The following PLD5 variants were observed in gnomAD, a reference collection of about 807,000 sequenced individuals.
PLD5 encodes the protein phospholipase D family member 5, also known as inactive phospholipase D5.
A neutral mutation model predicts 61.1 loss-of-function variants in PLD5; 36 were observed. The ratio of observed to expected loss-of-function variants is 0.59; its 90% confidence interval spans 0.45 to 0.78. The LOEUF (loss-of-function observed/expected upper bound fraction) is 0.78. PLD5 is among the 30% of genes least tolerant of loss of function. The probability of loss-of-function intolerance (pLI) is 0.00; values close to 1 mark genes in which losing one functional copy is unlikely to be tolerated. For missense variants in PLD5, 515 were observed against 644.4 expected (o/e 0.80, Z 2.17); for synonymous variants, 243 against 242.8 (o/e 1.00, Z -0.01).
intron 2 of PLD5, among the ~76,000 whole-genome samples, chr1:242,331,482 A>C (rs569024171): frequency 6.6e-6 from 1 of 152,270 alleles, no homozygotes; most frequent in South Asian, 2.1e-4. Context: ...GTCTTAACTC[A>C]TCTCTCATGG....
intron 5 of PLD5, chr1:242,209,341 G>C (rs755733653): frequency 6.6e-6 from 1 of 152,190 alleles, no homozygotes; most frequent in African/African-American, 2.4e-5. Context: ...GCGAGGTGAG[G>C]AACATACAGG....
At position 242,097,979 on chromosome 1, in the gene PLD5, C is replaced by T. The variant is rs1383782906; in HGVS notation, c.1354+2689G>A. On this transcript the variant is annotated intron_variant, in intron 9 of 9. Coordinates refer to ENST00000536534, the MANE Select transcript of PLD5 (RefSeq NM_001372062.1). ...TTTCTACATATGGCTAGCCAGTTTT[C>T]CCAGCACCATTTATTAAATAGGGAA... 3.3e-5 allele frequency among the ~76,000 whole-genome samples: 5 copies of T among 152,268 alleles called. No homozygotes were observed. The East Asian group carries it at 5.8e-4, about 18-fold the overall frequency.
chr1:242,098,242 G>A (rs1156764373), intron 9 of PLD5, among the ~76,000 whole-genome samples: 1 of 152,146 alleles, frequency 6.6e-6, no homozygotes, highest in African/African-American at 2.4e-5. Flanking sequence ...TGTATTTCTT[G>A]GAGGCTTTGT....
At chr1:242,152,847 T>C (rs1181741613) in intron 5 of PLD5, among the ~76,000 whole-genome samples, 1 of 152,202 alleles carries the variant, frequency 6.6e-6, no homozygotes, top group Non-Finnish European at 1.5e-5. Context: ...AGTGGAATGA[T>C]TTATAATCCT....
chr1:242,361,627 C>T (rs1443185597), intron 1 of PLD5, among the ~76,000 whole-genome samples: 2 of 152,174 alleles, frequency 1.3e-5, no homozygotes, highest in Non-Finnish European at 2.9e-5. Flanking sequence ...TGTACTTTCA[C>T]AGCAGTTTAC....
At chr1:242,455,297 T>C (rs965309253) in intron 1 of PLD5, among the ~76,000 whole-genome samples, 1 of 152,152 alleles carries the variant, frequency 6.6e-6, no homozygotes, top group Admixed American at 6.5e-5. Flanking sequence ...TTTTAACTAA[T>C]GACTTTCATC....
intron 4 of PLD5, among the ~76,000 whole-genome samples, chr1:242,244,094 T>A (rs775593963): frequency 5.9e-5 from 9 of 152,204 alleles, no homozygotes; most frequent in Non-Finnish European, 1.0e-4. Context: ...ATGACATATA[T>A]GCACGTATTA....
intron 4 of PLD5, among the ~76,000 whole-genome samples, chr1:242,257,451 G>T (rs148545685): frequency 0.012 from 1,829 of 152,264 alleles, 47 homozygotes; most frequent in African/African-American, 0.042. Flanking sequence ...TGGACCATCA[G>T]GAGAAAGAGG....
intron 1 of PLD5, among the ~76,000 whole-genome samples, chr1:242,451,459 C>CT (rs398038597): frequency 0.033 from 3,796 of 115,068 alleles, 128 homozygotes; most frequent in South Asian, 0.064. Flanking sequence ...GTATCAAATT[C>CT]TTTTTTTTTT....
At chr1:242,208,488 G>A (rs1196805935) in intron 5 of PLD5, among the ~76,000 whole-genome samples, 1 of 152,116 alleles carries the variant, frequency 6.6e-6, no homozygotes, top group East Asian at 1.9e-4. Flanking sequence ...CTCAGGTAAT[G>A]ACCATAACGA....
At chr1:242,347,608 G>C (rs1307148546) in intron 2 of PLD5, among the ~76,000 whole-genome samples, 5 of 152,170 alleles carry the variant, frequency 3.3e-5, no homozygotes, top group African/African-American at 1.2e-4. Flanking sequence ...AGCTATTGTA[G>C]TTTCTAGATT....
intron 6 of PLD5, among the ~76,000 whole-genome samples, chr1:242,124,097 G>T (rs2148732605): frequency 6.6e-6 from 1 of 152,270 alleles, no homozygotes; most frequent in East Asian, 1.9e-4. Context: ...AGGCTAACAG[G>T]CTCTGGTGTC....
intron 5 of PLD5, among the ~76,000 whole-genome samples, chr1:242,155,768 A>G (rs1368849246): frequency 6.6e-6 from 1 of 152,066 alleles, no homozygotes; most frequent in Admixed American, 6.6e-5. Context: ...TTTTCATTCC[A>G]TTTATGTGGT....
intron 5 of PLD5, among the ~76,000 whole-genome samples, chr1:242,165,763 C>CTGG (rs1666261694): frequency 6.6e-6 from 1 of 152,210 alleles, no homozygotes; most frequent in Admixed American, 6.5e-5. Flanking sequence ...ATGGCTCATG[C>CTGG]TGGTGGCCAG....
At chr1:242,434,715 G>A (rs539275066) in intron 1 of PLD5, among the ~76,000 whole-genome samples, 3 of 152,236 alleles carry the variant, frequency 2.0e-5, no homozygotes, top group South Asian at 2.1e-4. Context: ...CCAGCTTCAC[G>A]TCATTCTCCT....
At chr1:242,328,290 T>C (rs1267603922) in intron 2 of PLD5, among the ~76,000 whole-genome samples, 2 of 150,886 alleles carry the variant, frequency 1.3e-5, no homozygotes, top group African/African-American at 4.9e-5. Flanking sequence ...TATATATATG[T>C]ATGTATGTTC....
chr1:242,305,583 G>A (rs546723511), intron 2 of PLD5, among the ~76,000 whole-genome samples: 16 of 151,816 alleles, frequency 1.1e-4, no homozygotes, highest in South Asian at 2.1e-4. Flanking sequence ...TTTTTGAGAC[G>A]GAGTCTTGCT....
At position 242,300,129 on chromosome 1, in the gene PLD5, A is replaced by G. The variant is rs1202470412; in HGVS notation, c.327-11599T>C. Reference sequence around the variant, plus strand: ...AATTTGTGAGCAGAGTGCTCAGAACAGAAAGGAACATCAACCAAGAAGATA... The same window carrying G: ...AATTTGTGAGCAGAGTGCTCAGAACGGAAAGGAACATCAACCAAGAAGATA... On this transcript the variant is annotated intron_variant, in intron 2 of 9. Coordinates refer to ENST00000536534, the MANE Select transcript of PLD5 (RefSeq NM_001372062.1). Among the ~76,000 whole-genome samples the G allele has an allele frequency of 1.8e-4, 27 of 152,318 alleles. No homozygotes were observed. The East Asian group carries it at 5.0e-3, about 28-fold the overall frequency.
intron 9 of PLD5, among the ~76,000 whole-genome samples, chr1:242,098,726 G>C (rs1224931376): frequency 6.6e-6 from 1 of 152,186 alleles, no homozygotes; most frequent in Non-Finnish European, 1.5e-5. Context: ...GTGACGTACA[G>C]ATGGGGTTTT....
Sources: allele counts gnomAD v4.1 joint callset (sites outside exome capture counted in the v4.1 genomes callset), GRCh38; gene constraint gnomAD v4.1.1; transcripts MANE v1.5; gene names NCBI Gene and HGNC (gene_info 2026-07-23, HGNC 2026-07-21).